KSR2: variants seen among roughly 807,000 people sequenced by gnomAD.
KSR2 encodes kinase suppressor of ras 2.
A neutral mutation model predicts 107.8 loss-of-function variants in KSR2; 25 were observed. The ratio of observed to expected loss-of-function variants is 0.23; its 90% CI spans 0.17 to 0.32. The LOEUF (loss-of-function observed/expected upper bound fraction) is 0.32. Ranked by LOEUF, KSR2 falls within the 10% of genes least tolerant of loss-of-function variation. The pLI, the probability that KSR2 is intolerant of heterozygous loss-of-function variation, is 1.00. For synonymous variants in KSR2, 480 were observed against 507.0 expected (o/e 0.95, Z 0.71); for missense variants, 887 against 1,268.9 (o/e 0.70, Z 4.57).
intron 3 of KSR2, among the ~76,000 whole-genome samples, chr12:117,851,114 G>A (rs1326423325): frequency 1.3e-5 from 2 of 152,206 alleles, no homozygotes; most frequent in Non-Finnish European, 2.9e-5. Context: ...GCTAAGTGCT[G>A]TAGGAATGGG....
In KSR2 at chr12:117,761,570, A is replaced by T. The variant is rs755181685; in HGVS notation, c.473-46T>A. 122 of 1,594,566 alleles carry T rather than the reference A, an allele frequency of 7.7e-5. No homozygotes were observed. In the East Asian group the frequency reaches 2.7e-3, roughly 35 times the overall value. On this transcript the variant is annotated intron_variant, in intron 3 of 19. Transcript: ENST00000339824. The stretch of plus-strand genomic sequence containing the variant: ...AGAGACAATGGGTAAGCCATGAGAA[A>T]GCCAGGTGAGTTACACCATACACAC...
intron 14 of KSR2, among the ~76,000 whole-genome samples, chr12:117,503,932 T>C (rs1369767661): frequency 2.0e-5 from 3 of 152,200 alleles, no homozygotes; most frequent in African/African-American, 7.2e-5. Flanking sequence ...GGAGTTGTAT[T>C]TTCCTTTGTG....
At chr12:117,747,589 TTAAAATAAAA>T (rs370596687) in intron 4 of KSR2, among the ~76,000 whole-genome samples, 40 of 151,710 alleles carry the variant, frequency 2.6e-4, no homozygotes, top group East Asian at 1.4e-3. Flanking sequence ...ATCCCGGAAC[TTAAAATAAAA>T]TAAAATAAAA....
At chr12:117,565,146 A>T (rs1429657242) in intron 7 of KSR2, among the ~76,000 whole-genome samples, 3 of 152,182 alleles carry the variant, frequency 2.0e-5, no homozygotes, top group Non-Finnish European at 4.4e-5. Flanking sequence ...TGGAATCCAA[A>T]TGCTGGCGTT....
intron 16 of KSR2, among the ~76,000 whole-genome samples, chr12:117,482,881 T>C (rs1364590598): frequency 6.6e-6 from 1 of 152,170 alleles, no homozygotes; most frequent in Non-Finnish European, 1.5e-5. Context: ...AGAAAACTCT[T>C]ACTGGGCCTC....
At chr12:117,476,414 C>G in intron 17 of KSR2, 50 bp downstream of exon 17, 2 of 1,511,074 alleles carry the variant, frequency 1.3e-6, no homozygotes, top group African/African-American at 1.4e-5. Context: ...TTGAGAAGTG[C>G]CCCTCTGCCC....
intron 4 of KSR2, among the ~76,000 whole-genome samples, chr12:117,714,917 G>A (rs1364651107): frequency 1.3e-5 from 2 of 152,134 alleles, no homozygotes; most frequent in African/African-American, 2.4e-5. Context: ...ATGCTATGTG[G>A]AGGGCATTTG....
At chr12:117,678,307 A>G (rs1359008574) in intron 4 of KSR2, among the ~76,000 whole-genome samples, 2 of 151,990 alleles carry the variant, frequency 1.3e-5, no homozygotes, top group Admixed American at 6.6e-5. Flanking sequence ...TCACAGCTAC[A>G]TGAGGCTCCA....
intron 5 of KSR2, among the ~76,000 whole-genome samples, chr12:117,653,805 C>CATTG (rs1407885953): frequency 1.3e-5 from 2 of 152,230 alleles, no homozygotes; most frequent in African/African-American, 4.8e-5. Context: ...TACTCCAGTG[C>CATTG]ATTTATCAAG....
Position 117,485,638 on chromosome 12 carries a change from A to G in KSR2, c.2273T>C (p.Leu758Ser). ...AATCTGCCTGGTTTTGTTGACATCC[A>G]AAACGATTTTGGCATCCCTCACAAC... is the stretch of plus-strand genomic sequence containing the variant. ...YSVVRDAKIV[L>S]DVNKTRQIAQ... Residue 758 changes from leucine to serine, a missense_variant, in exon 15 of 20, where the codon TTG becomes TCG. Physicochemically the swap from Leu to Ser is moderately radical, Grantham distance 145. Transcript: ENST00000339824. The G allele has an allele frequency of 6.2e-7, 1 of 1,613,688 alleles. No individual in the cohort carries two copies. Among genetic ancestry groups the G allele is most frequent in the Non-Finnish European group, 8.5e-7 (1 of 1,179,608 alleles).
At position 117,794,067 on chromosome 12, in the gene KSR2, CACAT is replaced by C. The variant is rs1398710800; in HGVS notation, c.473-32547_473-32544del. Among the ~76,000 whole-genome samples the C allele has an allele frequency of 1.1e-3, 136 of 124,192 alleles. 14 individuals are homozygous for C. Among genetic ancestry groups the C allele is most frequent in the African/African-American group, 4.5e-3 (120 of 26,614 alleles). The allele number at this position is 124,192 out of a possible 152,430, so 81.5% of individuals were successfully genotyped here. A position where few individuals can be genotyped will look rare whatever the true frequency, so the allele number is the denominator to read the frequency against. On this transcript the variant is annotated intron_variant, in intron 3 of 19. Transcript: ENST00000339824. The stretch of plus-strand genomic sequence containing the variant: ...ACATGCACACTCGTACCAACATGCA[CACAT>C]ACACCAACATGCACACTCACACCAA...
chr12:117,946,506 G>GC (rs1475851940), intron 1 of KSR2, among the ~76,000 whole-genome samples: 2 of 152,144 alleles, frequency 1.3e-5, no homozygotes, highest in African/African-American at 4.8e-5. Context: ...TTCCTTAAAA[G>GC]CCACAAACTA....
At chr12:117,797,468 C>T (rs1242713564) in intron 3 of KSR2, among the ~76,000 whole-genome samples, 1 of 152,018 alleles carries the variant, frequency 6.6e-6, no homozygotes, top group Non-Finnish European at 1.5e-5. Flanking sequence ...GGGTAGTTGC[C>T]AGAGACTGTG....
intron 3 of KSR2, among the ~76,000 whole-genome samples, chr12:117,832,769 G>A (rs1827402630): frequency 6.6e-6 from 1 of 152,160 alleles, no homozygotes; most frequent in South Asian, 2.1e-4. Flanking sequence ...TCTGCCTTGG[G>A]TCCAACCTAC....
chr12:117,731,588 A>T (rs1238337424), intron 4 of KSR2, among the ~76,000 whole-genome samples: 3 of 152,210 alleles, frequency 2.0e-5, no homozygotes, highest in Admixed American at 2.0e-4. Flanking sequence ...GTTTTGTCGA[A>T]TAGAAAAGGG....
At chr12:117,711,105 T>C (rs144067975) in intron 4 of KSR2, among the ~76,000 whole-genome samples, 132 of 152,360 alleles carry the variant, frequency 8.7e-4, no homozygotes, top group African/African-American at 2.9e-3. Flanking sequence ...CATAATTTTA[T>C]AACTTATATC....
At chr12:117,641,785 A>C (rs915509231) in intron 5 of KSR2, among the ~76,000 whole-genome samples, 7 of 152,180 alleles carry the variant, frequency 4.6e-5, no homozygotes, top group Admixed American at 2.0e-4. Context: ...AGAGAAGAAT[A>C]GAAACAGCAC....
chr12:117,731,599 G>C (rs1020442498), intron 4 of KSR2, among the ~76,000 whole-genome samples: 3 of 152,176 alleles, frequency 2.0e-5, no homozygotes, highest in African/African-American at 7.2e-5. Context: ...TAGAAAAGGG[G>C]GAAATGTGGG....
chr12:117,500,595 C>T (rs930166154), intron 14 of KSR2, among the ~76,000 whole-genome samples: 2 of 152,156 alleles, frequency 1.3e-5, no homozygotes, highest in Non-Finnish European at 2.9e-5. Flanking sequence ...CATCTTATTC[C>T]TAACCACTAA....
Sources: gnomAD v4.1 joint callset for allele counts (sites outside exome capture counted in the v4.1 genomes callset) on GRCh38, gnomAD v4.1.1 for gene constraint, MANE v1.5 for transcripts, NCBI Gene and HGNC (gene_info 2026-07-23, HGNC 2026-07-21) for gene names.